Variants in NRP2 observed in about 807,000 individuals in gnomAD.
The protein encoded by NRP2 is neuropilin-2.
NRP2 carries 52 observed loss-of-function variants against 110.4 expected under a neutral mutation model. The observed-to-expected ratio is 0.47, with a 90% CI of 0.38 to 0.59. The LOEUF is 0.59. NRP2 is among the 20% of genes least tolerant of loss of function. The pLI is 0.00. For synonymous variants in NRP2, 508 were observed against 468.9 expected, an observed-to-expected ratio of 1.08 and a Z score of -1.08; for missense variants, 1,049 against 1,203.0, an observed-to-expected ratio of 0.87 and a Z score of 1.89.
chr2:205,776,877 C>A (rs557466089), intron 15 of NRP2: 163 of 1,216,262 alleles, frequency 1.3e-4, no homozygotes, highest in Non-Finnish European at 1.6e-4. Context: ...TATCCCATAC[C>A]TCCTCTCAGT....
At chr2:205,688,763 T>C (rs149569894) in intron 1 of NRP2, among the ~76,000 whole-genome samples, 16 of 151,950 alleles carry the variant, frequency 1.1e-4, no homozygotes, top group Admixed American at 9.8e-4. Context: ...TCCTATCCAG[T>C]AGAACAATAA....
chr2:205,765,884 G>A (rs558409194), intron 14 of NRP2, among the ~76,000 whole-genome samples: 2 of 152,332 alleles, frequency 1.3e-5, no homozygotes, highest in South Asian at 2.1e-4. Flanking sequence ...GCTAGAGGAC[G>A]AGAGCAACTG....
chr2:205,731,246 C>T (rs1295335778), intron 7 of NRP2, among the ~76,000 whole-genome samples: 2 of 152,228 alleles, frequency 1.3e-5, no homozygotes, highest in African/African-American at 4.8e-5. Flanking sequence ...GCTTTGCATA[C>T]ATTTCTTCAG....
intron 14 of NRP2, 86 bp downstream of exon 14, chr2:205,765,656 C>A: frequency 2.6e-6 from 3 of 1,166,100 alleles, no homozygotes; most frequent in African/African-American, 1.5e-5. Flanking sequence ...CACCATTTTC[C>A]AATGCAGTCG....
chr2:205,780,611 A>G (rs983286153), intron 15 of NRP2, among the ~76,000 whole-genome samples: 5 of 152,194 alleles, frequency 3.3e-5, no homozygotes, highest in African/African-American at 4.8e-5. Context: ...CATGGGATTT[A>G]TCAGAGGCCT....
At chr2:205,705,947 C>T (rs1216005585) in intron 2 of NRP2, among the ~76,000 whole-genome samples, 3 of 152,040 alleles carry the variant, frequency 2.0e-5, no homozygotes, top group Non-Finnish European at 2.9e-5. Flanking sequence ...CAGTCACCTC[C>T]GGATGCCAGC....
chr2:205,727,252 C>T (rs775466251), intron 6 of NRP2, among the ~76,000 whole-genome samples: 1 of 152,206 alleles, frequency 6.6e-6, no homozygotes, highest in Non-Finnish European at 1.5e-5. Context: ...AAAGGAATGA[C>T]ATCCAGCAAT....
At chr2:205,748,008 T>C (rs898338629) in intron 10 of NRP2, among the ~76,000 whole-genome samples, 1 of 152,000 alleles carries the variant, frequency 6.6e-6, no homozygotes, top group Non-Finnish European at 1.5e-5. Context: ...TGCTGTTTGA[T>C]GGGCAGTTAC....
chr2:205,754,472 A>T (rs2057701109), intron 12 of NRP2, among the ~76,000 whole-genome samples: 1 of 152,176 alleles, frequency 6.6e-6, no homozygotes, highest in African/African-American at 2.4e-5. Context: ...GCTCAGAGAG[A>T]TTAATATCTG....
At chr2:205,788,004 T>C (rs943568632) in intron 15 of NRP2, among the ~76,000 whole-genome samples, 1 of 152,140 alleles carries the variant, frequency 6.6e-6, no homozygotes, top group Non-Finnish European at 1.5e-5. Context: ...TTGCAATGTA[T>C]TGACAAGCAC....
Position 205,797,777 on chromosome 2 carries a change from G to A in NRP2, c.*2719G>A, listed in dbSNP as rs1487269713. 1 of 152,604 alleles carries A rather than the reference G, an allele frequency of 6.6e-6. No homozygotes were observed. Among genetic ancestry groups the A allele is most frequent in the African/African-American group, 2.4e-5 (1 of 41,410 alleles). The allele number at this position is 152,604 out of a possible 1,614,324, so 9.5% of individuals were successfully genotyped here. On this transcript the variant is annotated 3_prime_UTR_variant, in exon 17 of 17. Coordinates refer to ENST00000357785, the MANE Select transcript of NRP2 (RefSeq NM_003872.3). The stretch of plus-strand genomic sequence containing the variant: ...CCAGTATTGATCTCCTTTTTGCCTT[G>A]TACTGAATGACACATTACCTCCACA...
rs184810432 is a variant in NRP2 at position 205,749,118 on chromosome 2, C to A, written c.1787-607C>A. 9.8e-5 allele frequency among the ~76,000 whole-genome samples: 15 copies of A among 152,296 alleles called. 1 individual carries two copies. Among genetic ancestry groups the A allele is most frequent in the African/African-American group, 3.1e-4 (13 of 41,544 alleles). ...ACACTGGGCCACCTCCCCTCCAGGC[C>A]CCAGTCTGCTGGAGCCAGTCATGGA... On this transcript the variant is annotated intron_variant, in intron 10 of 16. Coordinates refer to ENST00000357785, the MANE Select transcript of NRP2 (RefSeq NM_003872.3).
chr2:205,755,343 T>G (rs957678902), intron 12 of NRP2, among the ~76,000 whole-genome samples: 1 of 152,226 alleles, frequency 6.6e-6, no homozygotes, highest in Admixed American at 6.5e-5. Context: ...ATGTTGTTCC[T>G]CCCTTAAGAT....
chr2:205,774,519 C>T (rs1433303484), intron 15 of NRP2, among the ~76,000 whole-genome samples: 3 of 152,186 alleles, frequency 2.0e-5, no homozygotes, highest in Non-Finnish European at 4.4e-5. Flanking sequence ...CTTGTCAAAG[C>T]TCTGCCAATG....
intron 14 of NRP2, 90 bp downstream of exon 14, chr2:205,765,660 G>T (rs2057904556): frequency 8.9e-7 from 1 of 1,124,808 alleles, no homozygotes; most frequent in Admixed American, 1.7e-5. Flanking sequence ...ATTTTCCAAT[G>T]CAGTCGTTAC....
rs150988386 is a variant in NRP2 at position 205,707,556 on chromosome 2, G to A, written c.252-8637G>A. ...CCCTACTTGGATTTCTGCATGGCAC[G>A]TTTTTCAGATGAGTTTTGCATCTTC... On this transcript the variant is annotated intron_variant, in intron 2 of 16. Coordinates refer to ENST00000357785, the MANE Select transcript of NRP2 (RefSeq NM_003872.3). Among the ~76,000 whole-genome samples the A allele has an allele frequency of 8.2e-4, 125 of 152,316 alleles. 1 individual carries two copies. Among genetic ancestry groups the A allele is most frequent in the African/African-American group, 2.6e-3 (107 of 41,560 alleles).
rs1156809134 is a variant in NRP2 at position 205,726,584 on chromosome 2, A to G, written c.990+502A>G. Among the ~76,000 whole-genome samples the G allele has an allele frequency of 2.0e-5, 3 of 152,194 alleles. No homozygotes were observed. In the East Asian group the frequency reaches 5.8e-4, roughly 29 times the overall value. On this transcript the variant is annotated intron_variant, in intron 6 of 16. Coordinates refer to ENST00000357785, the MANE Select transcript of NRP2 (RefSeq NM_003872.3). ...ATGTCACTACCAGGAACAGAACTCA[A>G]GGTGCCCCAGATGCTCGGCAGCATC...
chr2:205,765,753 G>A, intron 14 of NRP2, 183 bp downstream of exon 14: 1 of 739,350 alleles, frequency 1.4e-6, no homozygotes, highest in Non-Finnish European at 2.5e-6. Context: ...GTGGGAAGGG[G>A]TGTGAGGTAA....
chr2:205,782,088 G>A (rs1178421801), intron 15 of NRP2, among the ~76,000 whole-genome samples: 2 of 152,116 alleles, frequency 1.3e-5, no homozygotes, highest in East Asian at 3.9e-4. Flanking sequence ...GCATGGTATG[G>A]AACAGTGGAG....
Sources: gnomAD v4.1 joint callset for allele counts (sites outside exome capture counted in the v4.1 genomes callset) on GRCh38, gnomAD v4.1.1 for gene constraint, MANE v1.5 for transcripts, NCBI Gene and HGNC (gene_info 2026-07-23, HGNC 2026-07-21) for gene names.